Variants in ARFGEF1 observed in about 807,000 individuals in gnomAD.
The protein encoded by ARFGEF1 is ARF guanine nucleotide exchange factor 1.
ARFGEF1 carries 42 observed loss-of-function variants against 231.0 expected under a neutral mutation model. The observed-to-expected ratio is 0.18, with a 90% CI of 0.14 to 0.24. The LOEUF (loss-of-function observed/expected upper bound fraction) is 0.24. Among genes scored for constraint, ARFGEF1 ranks in the 10% least tolerant of loss-of-function variants. ARFGEF1 has a pLI of 1.00. For synonymous variants in ARFGEF1, 710 were observed against 732.3 expected, an observed-to-expected ratio of 0.97 and a Z score of 0.49; for missense variants, 1,345 against 2,192.0, an observed-to-expected ratio of 0.61 and a Z score of 7.72.
At chr8:67,180,714 G>A (rs996555314) in intron 5 of ARFGEF1, among the ~76,000 whole-genome samples, 2 of 152,084 alleles carry the variant, frequency 1.3e-5, no homozygotes, top group African/African-American at 4.8e-5. Flanking sequence ...TGGACAAAGT[G>A]TATAAGGAAT....
chr8:67,207,879 G>A (rs975908367), intron 34 of ARFGEF1, among the ~76,000 whole-genome samples: 2 of 152,146 alleles, frequency 1.3e-5, no homozygotes, highest in African/African-American at 4.8e-5. Context: ...GAGCGAGAGT[G>A]GAATGTCTGG....
At chr8:67,308,030 A>T (rs1235416180) in intron 1 of ARFGEF1, among the ~76,000 whole-genome samples, 1 of 152,190 alleles carries the variant, frequency 6.6e-6, no homozygotes, top group Non-Finnish European at 1.5e-5. Context: ...AGGCTACAAA[A>T]AATAGTTCCG....
chr8:67,175,558 C>A, exon 6 of ARFGEF1: 2 of 1,182,548 alleles, frequency 1.7e-6, no homozygotes, highest in Non-Finnish European at 1.2e-6. Context: ...CCCATGCTCA[C>A]AGGGTCCGTT....
At chr8:67,256,390 A>G (rs1840454880) in intron 17 of ARFGEF1, among the ~76,000 whole-genome samples, 1 of 152,172 alleles carries the variant, frequency 6.6e-6, no homozygotes, top group Admixed American at 6.5e-5. Context: ...ACATATAATC[A>G]TATGTATATA....
In ARFGEF1 at chr8:67,276,278, G is replaced by A. The variant is rs552376164; in HGVS notation, c.1204-169C>T. On this transcript the variant is annotated intron_variant, in intron 8 of 38. Transcript: ENST00000262215. ...ACGTTGTTTTTCTTTTATACTCCAC[G>A]GACCACACCCAACAATAAATACCTT... is the stretch of plus-strand genomic sequence containing the variant. Among the ~76,000 whole-genome samples the A allele has an allele frequency of 5.3e-5, 8 of 151,848 alleles. 1 individual carries two copies. In the South Asian group the frequency reaches 8.3e-4, roughly 16 times the overall value.
At chr8:67,214,666 A>G (rs1449565067) in intron 33 of ARFGEF1, among the ~76,000 whole-genome samples, 1 of 152,218 alleles carries the variant, frequency 6.6e-6, no homozygotes, top group Admixed American at 6.5e-5. Flanking sequence ...GGAACATAAC[A>G]GGACTATCCA....
At chr8:67,250,790 A>G (rs932426367) in intron 19 of ARFGEF1, among the ~76,000 whole-genome samples, 3 of 152,234 alleles carry the variant, frequency 2.0e-5, no homozygotes, top group Non-Finnish European at 4.4e-5. Context: ...GAGAATGAAG[A>G]AGGAATGGGA....
chr8:67,325,326 C>T lies in ARFGEF1; in HGVS notation c.124+17838G>A, dbSNP rs569354454. Among the ~76,000 whole-genome samples, 42 of 151,932 alleles carry T rather than the reference C, an allele frequency of 2.8e-4. 1 individual carries two copies. In the South Asian group the frequency reaches 7.9e-3, roughly 28 times the overall value. On this transcript the variant is annotated intron_variant, in intron 1 of 38. Coordinates refer to ENST00000262215, the MANE Select transcript of ARFGEF1 (RefSeq NM_006421.5). ...GTGCTTACACCTTTTAAATAATACA[C>T]ATTATTCCTAAGGGCAAAGCAAAGG...
In ARFGEF1 at chr8:67,266,964, T is replaced by C. The variant is rs1804876471; in HGVS notation, c.1833A>G (p.Lys611=). Residue 611 remains lysine (K), a synonymous_variant, in exon 13 of 39, where the codon AAA becomes AAG. Coordinates refer to ENST00000262215, the MANE Select transcript of ARFGEF1 (RefSeq NM_006421.5). The part of the protein sequence containing the change: ...SNVQELSLRK[K]GLECLVSILK... ...AAATCGACACTAAGCATTCTAAACC[T>C]TTTTTCCTCAGGCTCAATTCCTACA... The C allele has an allele frequency of 6.2e-7, 1 of 1,613,048 alleles. No individual in the cohort carries two copies. The highest frequency in any genetic ancestry group is 1.3e-5 in the African/African-American group (1 of 75,002).
chr8:67,308,988 G>C (rs1460403444), intron 1 of ARFGEF1, among the ~76,000 whole-genome samples: 1 of 152,070 alleles, frequency 6.6e-6, no homozygotes, highest in Non-Finnish European at 1.5e-5. Flanking sequence ...GCGAAGATAT[G>C]GAGGCAACCT....
At chr8:67,238,924 G>A (rs755194652) in intron 20 of ARFGEF1, 31 bp from the exon 21 acceptor site, 3 of 1,577,904 alleles carry the variant, frequency 1.9e-6, no homozygotes. Flanking sequence ...TGTTTACACA[G>A]TTCTAAATAG....
intron 5 of ARFGEF1, 29 bp from the exon 6 acceptor site, chr8:67,292,152 G>GT: frequency 6.3e-7 from 1 of 1,587,666 alleles, no homozygotes; most frequent in East Asian, 2.2e-5. Flanking sequence ...TCCAATATTA[G>GT]TAAAATAAGT....
intron 7 of ARFGEF1, among the ~76,000 whole-genome samples, chr8:67,284,589 T>C (rs571645434): frequency 6.6e-6 from 1 of 152,364 alleles, no homozygotes; most frequent in East Asian, 1.9e-4. Context: ...ATAAGTTTGC[T>C]GTTAGTAATG....
In ARFGEF1 at chr8:67,198,829, G is replaced by C; in HGVS notation, c.*105C>G. On this transcript the variant is annotated 3_prime_UTR_variant, in exon 39 of 39. Coordinates refer to ENST00000262215, the MANE Select transcript of ARFGEF1 (RefSeq NM_006421.5). ...TCTAAGCATCTTTACCAGTAACTCA[G>C]ACACTGCAATCCAGAGAAATCATTT... 6.6e-7 allele frequency: 1 copy of C among 1,513,584 alleles called. No homozygotes were observed. Among genetic ancestry groups the C allele is most frequent in the Non-Finnish European group, 8.8e-7 (1 of 1,136,940 alleles). The allele number at this position is 1,513,584 out of a possible 1,614,324, so 93.8% of individuals were successfully genotyped here.
intron 19 of ARFGEF1, among the ~76,000 whole-genome samples, chr8:67,249,931 A>G (rs1424125221): frequency 6.6e-6 from 1 of 152,212 alleles, no homozygotes; most frequent in Non-Finnish European, 1.5e-5. Flanking sequence ...TGAGAGGGTG[A>G]TATTTAAACT....
Position 67,216,644 on chromosome 8 carries a change from G to C in ARFGEF1, c.4632C>G (p.Pro1544=), listed in dbSNP as rs1210901745. Reference sequence around the variant, plus strand: ...GTGGGGGGGCAGTTTCTCCAGAATTGGGTCGCCAGGTCAACAGCCTTTAAG... The same window carrying C: ...GTGGGGGGGCAGTTTCTCCAGAATTCGGTCGCCAGGTCAACAGCCTTTAAG... ...TIPHALLTWR[P]NSGETAPPPP... Residue 1544 remains proline (P), a synonymous_variant, in exon 33 of 39, where the codon CCC becomes CCG. Coordinates refer to ENST00000262215, the MANE Select transcript of ARFGEF1 (RefSeq NM_006421.5). 6.2e-7 allele frequency: 1 copy of C among 1,608,342 alleles called. No individual in the cohort carries two copies. Among genetic ancestry groups the C allele is most frequent in the Non-Finnish European group, 8.5e-7 (1 of 1,178,488 alleles).
chr8:67,209,294 G>A (rs775928032), intron 34 of ARFGEF1, among the ~76,000 whole-genome samples: 6 of 152,136 alleles, frequency 3.9e-5, no homozygotes, highest in African/African-American at 9.7e-5. Context: ...AACATGATGC[G>A]TCTTGAAAAC....
intron 7 of ARFGEF1, among the ~76,000 whole-genome samples, chr8:67,286,706 T>C (rs945849514): frequency 5.3e-5 from 8 of 152,146 alleles, no homozygotes; most frequent in Admixed American, 1.3e-4. Context: ...TTTTTTAATA[T>C]ATATTTTAAA....
At chr8:67,260,962 G>T (rs1804591932) in intron 14 of ARFGEF1, among the ~76,000 whole-genome samples, 1 of 152,162 alleles carries the variant, frequency 6.6e-6, no homozygotes, top group African/African-American at 2.4e-5. Context: ...TTACCTTAAG[G>T]CAAAGCCTAA....
Sources: gnomAD v4.1 joint callset for allele counts (sites outside exome capture counted in the v4.1 genomes callset) on GRCh38, gnomAD v4.1.1 for gene constraint, MANE v1.5 for transcripts, NCBI Gene and HGNC (gene_info 2026-07-23, HGNC 2026-07-21) for gene names.